Variants in SLC4A4 observed in about 807,000 individuals in gnomAD.
SLC4A4 encodes the protein electrogenic sodium bicarbonate cotransporter 1.
In SLC4A4, 27 loss-of-function variants were observed where a neutral mutation model predicts 111.5. The ratio of observed to expected loss-of-function variants is 0.24; its 90% confidence interval spans 0.18 to 0.33. SLC4A4 has a LOEUF of 0.33. Ranked by LOEUF, SLC4A4 falls within the 10% of genes least tolerant of loss-of-function variation. The pLI is 1.00. For synonymous variants in SLC4A4, 443 were observed against 463.4 expected (o/e 0.96, Z 0.57); for missense variants, 909 against 1,315.5 (o/e 0.69, Z 4.78).
intron 1 of SLC4A4, among the ~76,000 whole-genome samples, chr4:71,084,161 G>A (rs888735761): frequency 3.9e-5 from 6 of 151,920 alleles, no homozygotes; most frequent in Non-Finnish European, 8.8e-5. Flanking sequence ...ATGTGTTGAG[G>A]ATTCGATATT....
intron 13 of SLC4A4, among the ~76,000 whole-genome samples, chr4:71,469,028 A>G (rs1175159427): frequency 1.3e-5 from 2 of 152,030 alleles, no homozygotes; most frequent in Admixed American, 1.3e-4. Flanking sequence ...AAGGAATATG[A>G]ATGATATGCT....
intron 1 of SLC4A4, among the ~76,000 whole-genome samples, chr4:71,235,145 A>G (rs1719714130): frequency 6.6e-6 from 1 of 152,144 alleles, no homozygotes; most frequent in African/African-American, 2.4e-5. Flanking sequence ...TAGATGGAAA[A>G]ACTGAGACTT....
intron 7 of SLC4A4, chr4:71,437,502 G>T: frequency 2.5e-6 from 1 of 402,846 alleles, no homozygotes; most frequent in South Asian, 2.0e-5. Context: ...CTGTAATAAT[G>T]ACTAAGTTGG....
intron 6 of SLC4A4, among the ~76,000 whole-genome samples, chr4:71,376,156 T>TACAC (rs146405766): frequency 0.094 from 12,685 of 135,258 alleles, 813 homozygotes; most frequent in African/African-American, 0.18. Context: ...CCTGTATATA[T>TACAC]ACACACACAC....
chr4:71,418,820 G>A (rs1198943897), intron 7 of SLC4A4, among the ~76,000 whole-genome samples: 1 of 152,208 alleles, frequency 6.6e-6, no homozygotes, highest in African/African-American at 2.4e-5. Flanking sequence ...AGAATAAAAG[G>A]TAATATCTAC....
intron 16 of SLC4A4, among the ~76,000 whole-genome samples, chr4:71,513,986 AC>A (rs1195670031): frequency 1.3e-5 from 2 of 152,180 alleles, no homozygotes; most frequent in Non-Finnish European, 2.9e-5. Flanking sequence ...GATAAATCCC[AC>A]TTAATTGTGG....
intron 3 of SLC4A4, among the ~76,000 whole-genome samples, chr4:71,337,718 A>G (rs1403075517): frequency 6.6e-6 from 1 of 152,128 alleles, no homozygotes; most frequent in Non-Finnish European, 1.5e-5. Context: ...AGATGTTTCC[A>G]TTTAGGCTCC....
At chr4:71,479,537 A>G (rs1194463259) in intron 14 of SLC4A4, among the ~76,000 whole-genome samples, 1 of 151,820 alleles carries the variant, frequency 6.6e-6, no homozygotes. Context: ...GCCCATTAAA[A>G]GAAAATAAGA....
At chr4:71,186,338 G>A (rs1392686138), upstream of SLC4A4, among the ~76,000 whole-genome samples, 1 of 152,158 alleles carries the variant, frequency 6.6e-6, no homozygotes, top group Non-Finnish European at 1.5e-5. Flanking sequence ...CTGTGTTATG[G>A]CAGCACTCTA....
At chr4:71,496,518 T>G (rs1352088950) in intron 15 of SLC4A4, among the ~76,000 whole-genome samples, 1 of 152,014 alleles carries the variant, frequency 6.6e-6, no homozygotes, top group East Asian at 1.9e-4. Flanking sequence ...CCGGTTAGTA[T>G]TGGTCAGTAA....
intron 1 of SLC4A4, among the ~76,000 whole-genome samples, chr4:71,207,999 A>G (rs1431222704): frequency 6.6e-6 from 1 of 152,146 alleles, no homozygotes; most frequent in Non-Finnish European, 1.5e-5. Context: ...TTATAGAGAC[A>G]GGGTCTTGCT....
intron 3 of SLC4A4, among the ~76,000 whole-genome samples, chr4:71,294,636 C>T (rs1434603901): frequency 2.0e-5 from 3 of 152,118 alleles, no homozygotes; most frequent in Admixed American, 1.3e-4. Context: ...CTGGAAATTG[C>T]TTGTGAGAGA....
intron 1 of SLC4A4, among the ~76,000 whole-genome samples, chr4:71,190,427 C>T (rs1265216267): frequency 7.3e-6 from 1 of 137,264 alleles, no homozygotes; most frequent in Non-Finnish European, 1.6e-5. Context: ...CACACACACA[C>T]ACAGACACAA....
intron 5 of SLC4A4, among the ~76,000 whole-genome samples, chr4:71,352,726 G>GTC (rs1729954194): frequency 6.6e-6 from 1 of 152,170 alleles, no homozygotes. Context: ...CTACTTACAT[G>GTC]TCTATCCCAG....
intron 6 of SLC4A4, among the ~76,000 whole-genome samples, chr4:71,378,649 G>A (rs1717774490): frequency 6.6e-6 from 1 of 152,182 alleles, no homozygotes; most frequent in Non-Finnish European, 1.5e-5. Context: ...GAGACAGAAG[G>A]AAAAGCAAAT....
intron 19 of SLC4A4, 77 bp from the exon 20 acceptor site, chr4:71,547,571 T>G: frequency 1.7e-6 from 2 of 1,206,432 alleles, no homozygotes; most frequent in Non-Finnish European, 2.5e-6. Flanking sequence ...CAATGTGTAG[T>G]TTTTTTGAAG....
intron 3 of SLC4A4, among the ~76,000 whole-genome samples, chr4:71,274,332 A>T (rs1316264049): frequency 1.3e-5 from 2 of 152,158 alleles, no homozygotes; most frequent in Non-Finnish European, 2.9e-5. Context: ...GGGGTGACAG[A>T]GGAAGAAGAA....
intron 3 of SLC4A4, among the ~76,000 whole-genome samples, chr4:71,280,008 T>TG (rs1400299382): frequency 1.3e-5 from 2 of 152,174 alleles, no homozygotes; most frequent in African/African-American, 2.4e-5. Context: ...TTGGGCAGGC[T>TG]GTCTTGAACC....
At chr4:71,193,069 G>A (rs570468900) in intron 1 of SLC4A4, among the ~76,000 whole-genome samples, 1 of 152,358 alleles carries the variant, frequency 6.6e-6, no homozygotes, top group East Asian at 1.9e-4. Flanking sequence ...GAACGCCACA[G>A]TACATTTATC....
Sources: allele counts gnomAD v4.1 joint callset (sites outside exome capture counted in the v4.1 genomes callset), GRCh38; gene constraint gnomAD v4.1.1; transcripts MANE v1.5; gene names NCBI Gene and HGNC (gene_info 2026-07-23, HGNC 2026-07-21).